The following DAB1 variants were observed in gnomAD, a reference collection of about 807,000 sequenced individuals.
The protein encoded by DAB1 is disabled homolog 1.
A neutral mutation model predicts 64.6 loss-of-function variants in DAB1; 15 were observed. That is an observed-to-expected ratio of 0.23 (90% CI 0.16 to 0.36). The LOEUF is 0.36. Among genes scored for constraint, DAB1 ranks in the 10% least tolerant of loss-of-function variants. The probability of loss-of-function intolerance (pLI) is 1.00; values close to 1 mark genes in which losing one functional copy is unlikely to be tolerated. For synonymous variants in DAB1, 235 were observed against 251.9 expected, an observed-to-expected ratio of 0.93 and a Z score of 0.64; for missense variants, 596 against 706.7, an observed-to-expected ratio of 0.84 and a Z score of 1.78.
intron 4 of DAB1, among the ~76,000 whole-genome samples, chr1:58,260,058 A>G (rs955116638): frequency 5.9e-5 from 9 of 152,276 alleles, no homozygotes; most frequent in African/African-American, 2.2e-4. Flanking sequence ...GGTAAGTAGG[A>G]GAGCTGGGAT....
chr1:58,521,355 A>T (rs986227658), intron 2 of DAB1, among the ~76,000 whole-genome samples: 9 of 152,006 alleles, frequency 5.9e-5, no homozygotes, highest in African/African-American at 2.2e-4. Context: ...AAAATAAATG[A>T]TAGTAGTATT....
chr1:58,377,875 A>C (rs1644344478), intron 3 of DAB1, among the ~76,000 whole-genome samples: 2 of 141,420 alleles, frequency 1.4e-5, no homozygotes, highest in South Asian at 4.5e-4. Flanking sequence ...GGCTTTGCTC[A>C]CTTCTTCTTA....
intron 7 of DAB1, among the ~76,000 whole-genome samples, chr1:57,529,416 A>G (rs1329261705): frequency 6.6e-6 from 1 of 152,126 alleles, no homozygotes; most frequent in Non-Finnish European, 1.5e-5. Flanking sequence ...ACTAAATACC[A>G]TGTAAAAAGC....
At chr1:58,207,118 C>A (rs1343278717) in intron 4 of DAB1, among the ~76,000 whole-genome samples, 1 of 152,204 alleles carries the variant, frequency 6.6e-6, no homozygotes, top group African/African-American at 2.4e-5. Context: ...TGAGAAAACT[C>A]AGCTGACTTG....
intron 2 of DAB1, among the ~76,000 whole-genome samples, chr1:57,153,738 C>T (rs950670931): frequency 2.0e-5 from 3 of 151,796 alleles, no homozygotes; most frequent in South Asian, 2.1e-4. Flanking sequence ...CCCAGGTTCA[C>T]GCCATTCTCT....
At chr1:58,132,673 G>C (rs1193434343) in intron 5 of DAB1, among the ~76,000 whole-genome samples, 1 of 152,048 alleles carries the variant, frequency 6.6e-6, no homozygotes, top group Admixed American at 6.5e-5. Context: ...TATTTGACAG[G>C]GTAACACAAA....
At chr1:57,134,276 C>T (rs1027835823) in intron 4 of DAB1, among the ~76,000 whole-genome samples, 5 of 152,108 alleles carry the variant, frequency 3.3e-5, no homozygotes, top group Admixed American at 2.0e-4. Context: ...CCTCTTCCTA[C>T]TTGACAACTC....
chr1:57,253,634 T>C (rs1669533662), intron 2 of DAB1, among the ~76,000 whole-genome samples: 1 of 152,162 alleles, frequency 6.6e-6, no homozygotes, highest in Admixed American at 6.5e-5. Flanking sequence ...AAAACACCCT[T>C]GAAATGAAAA....
rs116049160 is a variant in DAB1, at chr1:57,166,508, T to C, written c.68-21079A>G. Among the ~76,000 whole-genome samples, 599 of 152,154 alleles carry C rather than the reference T, an allele frequency of 3.9e-3. 2 individuals carry two copies. Among genetic ancestry groups the C allele is most frequent in the Admixed American group, 7.5e-3 (114 of 15,258 alleles). ...AACAAGTTCAGAACAATAGAAGTCATGGCCCAGGTCAGCCCAGGAATAACT... is the reference window on the plus strand; with the variant it reads ...AACAAGTTCAGAACAATAGAAGTCACGGCCCAGGTCAGCCCAGGAATAACT... On this transcript the variant is annotated intron_variant, in intron 2 of 14. Coordinates refer to ENST00000371236, the MANE Select transcript of DAB1 (RefSeq NM_001365792.1).
chr1:57,962,971 T>C (rs1645563450), intron 5 of DAB1, among the ~76,000 whole-genome samples: 1 of 152,182 alleles, frequency 6.6e-6, no homozygotes, highest in African/African-American at 2.4e-5. Flanking sequence ...TTTTCTTACA[T>C]GCCTTTATAA....
intron 1 of DAB1, among the ~76,000 whole-genome samples, chr1:58,541,972 T>G (rs1646630697): frequency 6.6e-6 from 1 of 152,226 alleles, no homozygotes; most frequent in South Asian, 2.1e-4. Context: ...TATGTAAACT[T>G]CAACCTAAGC....
At chr1:58,041,415 T>C (rs1449586304) in intron 5 of DAB1, among the ~76,000 whole-genome samples, 1 of 152,198 alleles carries the variant, frequency 6.6e-6, no homozygotes, top group Admixed American at 6.5e-5. Flanking sequence ...GGCTGTCTCA[T>C]AAGAGCCAGG....
intron 2 of DAB1, 88 bp downstream of exon 2, chr1:57,290,876 A>C (rs2100664099): frequency 1.4e-6 from 1 of 733,142 alleles, no homozygotes; most frequent in East Asian, 2.7e-5. Context: ...GCAATCATAA[A>C]GATATTTCTT....
At chr1:58,234,958 A>G (rs1659950717) in intron 4 of DAB1, among the ~76,000 whole-genome samples, 1 of 152,236 alleles carries the variant, frequency 6.6e-6, no homozygotes, top group African/African-American at 2.4e-5. Flanking sequence ...AAAGTACAGG[A>G]TAGACTTGCT....
chr1:57,337,533 CT>C (rs1375088626), intron 1 of DAB1, among the ~76,000 whole-genome samples: 6 of 152,324 alleles, frequency 3.9e-5, no homozygotes, highest in African/African-American at 1.4e-4. Flanking sequence ...ACAAACCCCA[CT>C]CTCTGTACTC....
At chr1:57,319,242 G>T (rs1358079759) in intron 1 of DAB1, among the ~76,000 whole-genome samples, 1 of 152,132 alleles carries the variant, frequency 6.6e-6, no homozygotes, top group Non-Finnish European at 1.5e-5. Context: ...CCATTGAGAT[G>T]GGCACCTTCT....
At chr1:57,153,216 G>C (rs547511189) in intron 2 of DAB1, among the ~76,000 whole-genome samples, 1 of 152,212 alleles carries the variant, frequency 6.6e-6, no homozygotes, top group South Asian at 2.1e-4. Flanking sequence ...AGTGGAGATG[G>C]TGTTTCACCA....
chr1:57,238,531 T>A (rs933545100), intron 2 of DAB1, among the ~76,000 whole-genome samples: 1 of 152,198 alleles, frequency 6.6e-6, no homozygotes, highest in Admixed American at 6.5e-5. Flanking sequence ...GTCAGTAAGG[T>A]CTTGTGATGA....
chr1:58,330,272 C>T (rs1454440449), intron 4 of DAB1, among the ~76,000 whole-genome samples: 1 of 152,176 alleles, frequency 6.6e-6, no homozygotes, highest in Admixed American at 6.5e-5. Context: ...AGCAAAGCCC[C>T]AACTCTTCCT....
Sources: gnomAD v4.1 joint callset for allele counts (sites outside exome capture counted in the v4.1 genomes callset) on GRCh38, gnomAD v4.1.1 for gene constraint, MANE v1.5 for transcripts, NCBI Gene and HGNC (gene_info 2026-07-23, HGNC 2026-07-21) for gene names.